PLXNA4: variants seen among roughly 807,000 people sequenced by gnomAD.
PLXNA4 encodes plexin-A4.
PLXNA4 carries 44 observed loss-of-function variants against 191.8 expected under a neutral mutation model. The ratio of observed to expected loss-of-function variants is 0.23; its 90% CI spans 0.18 to 0.29. The LOEUF is 0.29. Among genes scored for constraint, PLXNA4 ranks in the 10% least tolerant of loss-of-function variants. The probability of loss-of-function intolerance (pLI) is 1.00; values close to 1 mark genes in which losing one functional copy is unlikely to be tolerated. For missense variants in PLXNA4, 1,800 were observed against 2,488.8 expected (o/e 0.72, Z 5.89); for synonymous variants, 1,082 against 1,009.5 (o/e 1.07, Z -1.36).
At chr7:132,228,504 T>C (rs1798412115) in intron 5 of PLXNA4, 35 bp from the exon 6 acceptor site, 2 of 1,612,628 alleles carry the variant, frequency 1.2e-6, no homozygotes, top group Non-Finnish European at 1.7e-6. Context: ...ACTCAGGAGA[T>C]GGCCGCTTGG....
chr7:132,573,637 C>A (rs200921602), intron 1 of PLXNA4, among the ~76,000 whole-genome samples: 6 of 99,150 alleles, frequency 6.1e-5, no homozygotes, highest in Non-Finnish European at 1.0e-4. Context: ...CAGCAGCAGG[C>A]GACAGGAAGG....
intron 2 of PLXNA4, among the ~76,000 whole-genome samples, chr7:132,632,262 A>T (rs371576780): frequency 0.017 from 2,595 of 148,788 alleles, 73 homozygotes; most frequent in African/African-American, 0.06. Context: ...AAAAAAATGG[A>T]GGAAGAGCAT....
chr7:132,204,380 A>T (rs1797543725), intron 10 of PLXNA4, among the ~76,000 whole-genome samples: 5 of 152,106 alleles, frequency 3.3e-5, no homozygotes, highest in Admixed American at 3.3e-4. Flanking sequence ...TCCAACCCCT[A>T]CCTGGTGATT....
At chr7:132,317,268 T>C (rs915047629) in intron 3 of PLXNA4, among the ~76,000 whole-genome samples, 1 of 151,254 alleles carries the variant, frequency 6.6e-6, no homozygotes, top group Non-Finnish European at 1.5e-5. Context: ...TTGGGTTGGG[T>C]TGGATTGGAT....
At chr7:132,432,435 T>G (rs1414861147) in intron 3 of PLXNA4, among the ~76,000 whole-genome samples, 1 of 152,242 alleles carries the variant, frequency 6.6e-6, no homozygotes, top group Non-Finnish European at 1.5e-5. Context: ...TGGTTGCTAC[T>G]GGCAACCAGG....
At chr7:132,233,793 T>C (rs1001974434) in intron 5 of PLXNA4, among the ~76,000 whole-genome samples, 1 of 152,230 alleles carries the variant, frequency 6.6e-6, no homozygotes, top group East Asian at 1.9e-4. Flanking sequence ...AGAAGCCATG[T>C]TCTGCCCTGG....
At chr7:132,285,509 T>G (rs572304254) in intron 4 of PLXNA4, among the ~76,000 whole-genome samples, 7 of 152,344 alleles carry the variant, frequency 4.6e-5, no homozygotes, top group African/African-American at 1.7e-4. Context: ...CAGTTTCAAA[T>G]TGATGTCTCC....
chr7:132,228,248 C>T, intron 6 of PLXNA4, 98 bp downstream of exon 6: 7 of 1,533,252 alleles, frequency 4.6e-6, no homozygotes, highest in Non-Finnish European at 6.2e-6. Flanking sequence ...CCGGGCTTGG[C>T]CCAGTCCTCC....
intron 1 of PLXNA4, among the ~76,000 whole-genome samples, chr7:132,561,422 C>G (rs1801052871): frequency 7.1e-6 from 1 of 140,628 alleles, no homozygotes; most frequent in Non-Finnish European, 1.6e-5. Flanking sequence ...TCTTCCTCCT[C>G]CTCCTCTTCC....
chr7:132,491,056 A>G (rs1797777665), intron 2 of PLXNA4, among the ~76,000 whole-genome samples: 1 of 152,022 alleles, frequency 6.6e-6, no homozygotes, highest in South Asian at 2.1e-4. Flanking sequence ...TCTGGGGTGA[A>G]TTTTCCACCG....
chr7:132,204,628 C>T (rs1797552170), intron 10 of PLXNA4, among the ~76,000 whole-genome samples: 1 of 152,098 alleles, frequency 6.6e-6, no homozygotes, highest in Non-Finnish European at 1.5e-5. Context: ...TCACAGGAGG[C>T]CACTGAGGCT....
chr7:132,510,752 G>A lies in PLXNA4; in HGVS notation c.-86-1973C>T, dbSNP rs547485241. 9.2e-5 allele frequency among the ~76,000 whole-genome samples: 14 copies of A among 152,296 alleles called. No homozygotes were observed. In the South Asian group the frequency reaches 1.0e-3, roughly 11 times the overall value. Reference sequence around the variant, plus strand: ...AACTTCAAGAAGACAGTCAGAGCACGAAGGGAAAGACCTTCTAGGGGAGGG... The same window carrying A: ...AACTTCAAGAAGACAGTCAGAGCACAAAGGGAAAGACCTTCTAGGGGAGGG... On this transcript the variant is annotated intron_variant, in intron 1 of 31. Coordinates refer to ENST00000321063, the MANE Select transcript of PLXNA4 (RefSeq NM_020911.2).
chr7:132,343,630 T>A (rs997877185), intron 3 of PLXNA4, among the ~76,000 whole-genome samples: 3 of 152,166 alleles, frequency 2.0e-5, no homozygotes, highest in African/African-American at 7.2e-5. Flanking sequence ...CTTAGAACAC[T>A]CAATGTGGCT....
intron 14 of PLXNA4, among the ~76,000 whole-genome samples, chr7:132,188,995 A>AAAGG (rs1554384729): frequency 3.7e-5 from 1 of 26,802 alleles, no homozygotes; most frequent in African/African-American, 1.3e-4. Flanking sequence ...AAAGGAAAGG[A>AAAGG]GAGAGAGAGA....
intron 3 of PLXNA4, among the ~76,000 whole-genome samples, chr7:132,466,665 C>G (rs970783575): frequency 9.2e-5 from 14 of 152,134 alleles, no homozygotes; most frequent in Non-Finnish European, 7.4e-5. Flanking sequence ...GGGATGTGAA[C>G]AGCACCCCCA....
intron 3 of PLXNA4, among the ~76,000 whole-genome samples, chr7:132,304,556 C>G (rs938763411): frequency 4.6e-5 from 7 of 152,138 alleles, no homozygotes; most frequent in African/African-American, 1.4e-4. Flanking sequence ...AAACCTTTGC[C>G]ACCTGAGGTG....
In PLXNA4 at chr7:132,264,583, C is replaced by A. The variant is rs139191365; in HGVS notation, c.1504-23417G>T. Among the ~76,000 whole-genome samples, 1,098 of 152,296 alleles carry A rather than the reference C, an allele frequency of 7.2e-3. 10 individuals carry two copies. The highest frequency in any genetic ancestry group is 0.013 in the Non-Finnish European group (900 of 68,018). On this transcript the variant is annotated intron_variant, in intron 4 of 31. Transcript: ENST00000321063. ...CACAGGGCGAGCTGGGTTTATAACA[C>A]CACCTAAACCACAGGCCACGCTGGG...
chr7:132,510,969 G>A (rs1798690263), intron 1 of PLXNA4, among the ~76,000 whole-genome samples: 1 of 152,134 alleles, frequency 6.6e-6, no homozygotes, highest in Non-Finnish European at 1.5e-5. Context: ...AATTGTAGAG[G>A]AAAAGAGCAA....
intron 3 of PLXNA4, among the ~76,000 whole-genome samples, chr7:132,302,788 C>T (rs540743141): frequency 9.9e-5 from 15 of 152,192 alleles, no homozygotes; most frequent in African/African-American, 3.4e-4. Context: ...ACACACTGAC[C>T]AGTGGCCATG....
Sources: gnomAD v4.1 joint callset for allele counts (sites outside exome capture counted in the v4.1 genomes callset) on GRCh38, gnomAD v4.1.1 for gene constraint, MANE v1.5 for transcripts, NCBI Gene and HGNC (gene_info 2026-07-23, HGNC 2026-07-21) for gene names.